Variants in GRIP1 observed in about 807,000 individuals in gnomAD.
The protein encoded by GRIP1 is glutamate receptor-interacting protein 1.
Under a neutral mutation model 129.9 loss-of-function variants are expected in GRIP1, and 45 were observed. The observed-to-expected ratio is 0.35, with a 90% CI of 0.27 to 0.44. GRIP1 has a LOEUF of 0.44. Among genes scored for constraint, GRIP1 ranks in the 20% least tolerant of loss-of-function variants. GRIP1 has a pLI of 1.00. For missense variants in GRIP1, 1,196 were observed against 1,396.8 expected (o/e 0.86, Z 2.29); for synonymous variants, 530 against 520.8 (o/e 1.02, Z -0.24).
At chr12:66,355,269 CTGTTTTAGGGACTGA>C (rs778526295) in intron 23 of GRIP1, among the ~76,000 whole-genome samples, 109 of 152,210 alleles carry the variant, frequency 7.2e-4, no homozygotes, top group Admixed American at 2.0e-3. Flanking sequence ...GCGTCAGGGA[CTGTTTTAGGGACTGA>C]GGATATTTTT....
chr12:66,456,363 T>C (rs764788998), intron 9 of GRIP1, 21 bp from the exon 10 acceptor site: 4 of 1,266,004 alleles, frequency 3.2e-6, no homozygotes, highest in Non-Finnish European at 4.1e-6. Flanking sequence ...GAAGTGATGA[T>C]GAAAAATAAG....
At chr12:66,426,978 C>T (rs1304548472) in intron 14 of GRIP1, among the ~76,000 whole-genome samples, 1 of 152,188 alleles carries the variant, frequency 6.6e-6, no homozygotes, top group African/African-American at 2.4e-5. Flanking sequence ...AATAAAACTC[C>T]AGGCTTCTGC....
chr12:66,572,305 A>G (rs1198435775), intron 2 of GRIP1, among the ~76,000 whole-genome samples: 1 of 152,198 alleles, frequency 6.6e-6, no homozygotes, highest in Non-Finnish European at 1.5e-5. Context: ...GTCTAGGCAT[A>G]CCTACCTGGT....
intron 1 of GRIP1, among the ~76,000 whole-genome samples, chr12:66,667,556 T>G (rs1361712904): frequency 6.6e-6 from 1 of 152,208 alleles, no homozygotes; most frequent in African/African-American, 2.4e-5. Context: ...TATAGCACTA[T>G]GTTTTCTTAA....
chr12:66,457,912 C>T (rs1292185472), intron 9 of GRIP1, among the ~76,000 whole-genome samples: 1 of 152,158 alleles, frequency 6.6e-6, no homozygotes, highest in East Asian at 1.9e-4. Context: ...TCATCTACCT[C>T]ACAGGGATAT....
chr12:66,361,143 A>G (rs2054739897), intron 23 of GRIP1, among the ~76,000 whole-genome samples: 1 of 152,222 alleles, frequency 6.6e-6, no homozygotes, highest in Non-Finnish European at 1.5e-5. Context: ...ACAGCCCAAG[A>G]AGAAGCAATC....
At chr12:67,029,705 G>A (rs749846009) in intron 1 of GRIP1, among the ~76,000 whole-genome samples, 2 of 151,654 alleles carry the variant, frequency 1.3e-5, no homozygotes, top group Non-Finnish European at 2.9e-5. Flanking sequence ...ACTGTTTTTG[G>A]AATAAAAATC....
intron 2 of GRIP1, among the ~76,000 whole-genome samples, chr12:66,565,796 T>G (rs1179566466): frequency 6.6e-6 from 1 of 152,180 alleles, no homozygotes; most frequent in African/African-American, 2.4e-5. Context: ...CCTCTTTTAT[T>G]TCGTTGAGCA....
At chr12:66,482,194 T>C (rs955077516) in intron 7 of GRIP1, among the ~76,000 whole-genome samples, 1 of 152,168 alleles carries the variant, frequency 6.6e-6, no homozygotes, top group Non-Finnish European at 1.5e-5. Context: ...AGGTGCCTGA[T>C]GCTCCCTGTC....
chr12:66,884,692 A>G (rs1233916776), intron 1 of GRIP1, among the ~76,000 whole-genome samples: 4 of 152,252 alleles, frequency 2.6e-5, no homozygotes, highest in Non-Finnish European at 5.9e-5. Flanking sequence ...GACCTACCCA[A>G]TGATTACCCA....
chr12:66,640,810 A>T (rs7968342), intron 1 of GRIP1, among the ~76,000 whole-genome samples: 9,458 of 152,270 alleles, frequency 0.062, 455 homozygotes, highest in African/African-American at 0.13. Context: ...GTTCTCCCAA[A>T]GCATATTTTC....
At chr12:66,960,012 T>G (rs555001633) in intron 1 of GRIP1, among the ~76,000 whole-genome samples, 1 of 152,254 alleles carries the variant, frequency 6.6e-6, no homozygotes, top group East Asian at 1.9e-4. Flanking sequence ...AATATTCTAG[T>G]CATGTGCAGA....
intron 1 of GRIP1, among the ~76,000 whole-genome samples, chr12:66,945,570 G>A (rs1260918014): frequency 6.6e-6 from 1 of 152,112 alleles, no homozygotes; most frequent in Non-Finnish European, 1.5e-5. Flanking sequence ...GAGAGTGGGA[G>A]GGGGTGGGAG....
chr12:66,975,962 A>C (rs769858618), intron 1 of GRIP1, among the ~76,000 whole-genome samples: 1 of 152,158 alleles, frequency 6.6e-6, no homozygotes, highest in Non-Finnish European at 1.5e-5. Flanking sequence ...ATTTCATAAA[A>C]ATTTGTTGTG....
chr12:66,394,455 G>A, intron 16 of GRIP1, 103 bp from the exon 17 acceptor site: 1 of 941,174 alleles, frequency 1.1e-6, no homozygotes, highest in East Asian at 2.5e-5. Flanking sequence ...CCTCGTCAAA[G>A]TATCATGTCA....
At chr12:66,841,058 T>C (rs866443012) in intron 1 of GRIP1, among the ~76,000 whole-genome samples, 5 of 152,334 alleles carry the variant, frequency 3.3e-5, no homozygotes, top group Middle Eastern at 3.4e-3. Context: ...AAAAAATTAT[T>C]TGTTTTTTCT....
intron 4 of GRIP1, among the ~76,000 whole-genome samples, chr12:66,535,515 T>C (rs1243863904): frequency 6.6e-6 from 1 of 152,206 alleles, no homozygotes; most frequent in Non-Finnish European, 1.5e-5. Context: ...CTACTATAGC[T>C]ATTTTATAGA....
chr12:67,002,761 T>C (rs1270517603), intron 1 of GRIP1, among the ~76,000 whole-genome samples: 2 of 150,504 alleles, frequency 1.3e-5, no homozygotes, highest in Admixed American at 6.7e-5. Context: ...CTTTATCTAC[T>C]TTTATTTTTT....
intron 1 of GRIP1, among the ~76,000 whole-genome samples, chr12:66,886,783 TAACA>T (rs1396405082): frequency 6.6e-6 from 1 of 152,210 alleles, no homozygotes; most frequent in East Asian, 1.9e-4. Flanking sequence ...AAGCACTCCC[TAACA>T]AATACCTTAT....
Sources: gnomAD v4.1 joint callset for allele counts (sites outside exome capture counted in the v4.1 genomes callset) on GRCh38, gnomAD v4.1.1 for gene constraint, MANE v1.5 for transcripts, NCBI Gene and HGNC (gene_info 2026-07-23, HGNC 2026-07-21) for gene names.